Variants in SERPINB9 observed in about 807,000 individuals in gnomAD.
SERPINB9 encodes serpin family B member 9, also known as serpin B9.
In SERPINB9, 20 loss-of-function variants were observed where a neutral mutation model predicts 27.2. The observed-to-expected ratio is 0.74, with a 90% CI of 0.52 to 1.07. The LOEUF is 1.07. Ranked by LOEUF, SERPINB9 falls within the 50% of genes least tolerant of loss-of-function variation. The pLI, the probability that SERPINB9 is intolerant of heterozygous loss-of-function variation, is 0.00. For synonymous variants in SERPINB9, 189 were observed against 180.0 expected, an observed-to-expected ratio of 1.05 and a Z score of -0.40; for missense variants, 476 against 460.1, an observed-to-expected ratio of 1.03 and a Z score of -0.32.
chr6:2,895,790 T>C (rs548329895), intron 3 of SERPINB9, among the ~76,000 whole-genome samples: 3 of 151,882 alleles, frequency 2.0e-5, no homozygotes, highest in Non-Finnish European at 4.4e-5. Context: ...ATTATAGAAT[T>C]GCAGTCTTTA....
chr6:2,895,418 T>C lies in SERPINB9; in HGVS notation c.397A>G (p.Asn133Asp). The change falls in exon 4 of 7, where the codon AAC becomes GAC. Residue 133 changes from asparagine to aspartate, a missense_variant. Coordinates refer to ENST00000380698, the MANE Select transcript of SERPINB9 (RefSeq NM_004155.6). ...TCGGTCTTTTTTGAGACCCAGGTGT[T>C]GATGTGTTTCCTGGACTCTTCTGCA... Reference protein sequence around the residue: ...RAAEESRKHINTWVSKKTEGK... With the variant: ...RAAEESRKHIDTWVSKKTEGK... 6.2e-7 allele frequency: 1 copy of C among 1,612,880 alleles called. No individual in the cohort carries two copies. The highest frequency in any genetic ancestry group is 8.5e-7 in the Non-Finnish European group (1 of 1,179,420).
chr6:2,900,333 G>T, intron 2 of SERPINB9, 111 bp downstream of exon 2: 1 of 1,354,146 alleles, frequency 7.4e-7, no homozygotes, highest in South Asian at 1.3e-5. Context: ...GTGCACACTC[G>T]GGCCCCAGTC....
chr6:2,892,114 A>T, intron 5 of SERPINB9, 126 bp from the exon 6 acceptor site: 2 of 574,200 alleles, frequency 3.5e-6, no homozygotes, highest in Non-Finnish European at 5.5e-6. Context: ...CTAAAAAAAA[A>T]AAAAAAAAAA....
intron 4 of SERPINB9, 126 bp from the exon 5 acceptor site, chr6:2,893,679 T>C (rs1767902156): frequency 2.7e-6 from 2 of 753,916 alleles, no homozygotes; most frequent in African/African-American, 1.8e-5. Flanking sequence ...GGTTGTTATG[T>C]AGAGAAATAA....
Position 2,900,424 on chromosome 6 carries a change from T to C in SERPINB9, c.168+20A>G. ...CGCAGCCCAGGCCAGTCCCTGCTCC[T>C]GGCGGACGGGCAAGCTTACCTGGGC... On this transcript the variant is annotated intron_variant, in intron 2 of 6. Transcript: ENST00000380698. 2 of 1,612,802 alleles carry C rather than the reference T, an allele frequency of 1.2e-6. No homozygotes were observed. The highest frequency in any genetic ancestry group is 8.5e-7 in the Non-Finnish European group (1 of 1,179,404).
In SERPINB9 at chr6:2,887,709, T is replaced by C. The variant is rs774262405; in HGVS notation, c.*2454A>G. On this transcript the variant is annotated 3_prime_UTR_variant, in exon 7 of 7. Coordinates refer to ENST00000380698, the MANE Select transcript of SERPINB9 (RefSeq NM_004155.6). The stretch of plus-strand genomic sequence containing the variant: ...TGAAAAATACAAAATTAGCTGGGTG[T>C]GATGGTGGGTGCTTGTAGTCTCAGC... 5 of 151,708 alleles carry C rather than the reference T, an allele frequency of 3.3e-5. No homozygotes were observed. Among genetic ancestry groups the C allele is most frequent in the Non-Finnish European group, 7.4e-5 (5 of 67,922 alleles). The allele number at this position is 151,708 out of a possible 1,614,324, so 9.4% of individuals were successfully genotyped here. A position where few individuals can be genotyped will look rare whatever the true frequency, so the allele number is the denominator to read the frequency against.
In SERPINB9 at chr6:2,889,833, A is replaced by C; in HGVS notation, c.*330T>G. 1 of 245,836 alleles carries C rather than the reference A, an allele frequency of 4.1e-6. No homozygotes were observed. Among genetic ancestry groups the C allele is most frequent in the Non-Finnish European group, 7.9e-6 (1 of 126,698 alleles). 15.2% of individuals were successfully genotyped at this position (245,836 alleles called of 1,614,324 possible). A position where few individuals can be genotyped will look rare whatever the true frequency, so the allele number is the denominator to read the frequency against. On this transcript the variant is annotated 3_prime_UTR_variant, in exon 7 of 7. Transcript: ENST00000380698. ...TACCACTGAGGCAGCGGGTTAAGGAATGTATTCGCAGTGTCAGGAAAGCAC... is the reference window on the plus strand; with the variant it reads ...TACCACTGAGGCAGCGGGTTAAGGACTGTATTCGCAGTGTCAGGAAAGCAC...
At chr6:2,900,858 ACTGG>A (rs945230383) in intron 1 of SERPINB9, among the ~76,000 whole-genome samples, 1 of 89,998 alleles carries the variant, frequency 1.1e-5, no homozygotes, top group Non-Finnish European at 2.1e-5. Flanking sequence ...TAGCAACAGA[ACTGG>A]CTCGCCTGCA....
Position 2,892,513 on chromosome 6 carries a change from C to T in SERPINB9, c.568-525G>A, listed in dbSNP as rs1767846044. Among the ~76,000 whole-genome samples, 3 of 152,086 alleles carry T rather than the reference C, an allele frequency of 2.0e-5. No individual in the cohort carries two copies. The South Asian group carries it at 6.2e-4, about 32-fold the overall frequency. On this transcript the variant is annotated intron_variant, in intron 5 of 6. Transcript: ENST00000380698. ...GTAATGTATTTTAACCCAATCTTTT[C>T]AATTCTGATACTCTAATGAAATAAC...
At position 2,889,039 on chromosome 6, in the gene SERPINB9, A is replaced by G. The variant is rs1767686212; in HGVS notation, c.*1124T>C. 6.6e-6 allele frequency: 1 copy of G among 152,214 alleles called. No homozygotes were observed. Among genetic ancestry groups the G allele is most frequent in the Non-Finnish European group, 1.5e-5 (1 of 68,040 alleles). The allele number at this position is 152,214 out of a possible 1,614,324, so 9.4% of individuals were successfully genotyped here. A position where few individuals can be genotyped will look rare whatever the true frequency, so the allele number is the denominator to read the frequency against. On this transcript the variant is annotated 3_prime_UTR_variant, in exon 7 of 7. Coordinates refer to ENST00000380698, the MANE Select transcript of SERPINB9 (RefSeq NM_004155.6). ...AGAGATTAATAAAAATAAAAGAACTACCACGAAAGAAGTGCCCTCCAAGTA... is the reference window on the plus strand; with the variant it reads ...AGAGATTAATAAAAATAAAAGAACTGCCACGAAAGAAGTGCCCTCCAAGTA...
At position 2,890,267 on chromosome 6, in the gene SERPINB9, T is replaced by C. The variant is rs61729675; in HGVS notation, c.1027A>G (p.Met343Val). Residue 343 changes from methionine (M) to valine (V), a missense_variant, in exon 7 of 7, where the codon ATG (methionine) becomes GTG (valine). Transcript: ENST00000380698. The surrounding 1 kb of genome is among the most constrained non-coding windows in gnomAD (Gnocchi z 6.2). ...SSCFVVAECC[M>V]ESGPRFCADH... ...GCACAGAACCTGGGGCCAGATTCCA[T>C]GCAGCACTCTGCAACTACAAAGCAG... 3.1e-3 allele frequency: 5,044 copies of C among 1,614,232 alleles called. 132 individuals are homozygous for C. The African/African-American group carries it at 0.06, about 19-fold the overall frequency.
chr6:2,901,294 G>C lies in SERPINB9; in HGVS notation c.-10-673C>G, dbSNP rs1193587012. On this transcript the variant is annotated intron_variant, in intron 1 of 6. Transcript: ENST00000380698. Reference sequence around the variant, plus strand: ...GAGCTCCTGCCCATCACCAGCTTCTGCACATCATGTGACCCTTGAACACAG... The same window carrying C: ...GAGCTCCTGCCCATCACCAGCTTCTCCACATCATGTGACCCTTGAACACAG... Among the ~76,000 whole-genome samples the C allele has an allele frequency of 1.7e-4, 26 of 152,190 alleles. 1 individual carries two copies. The highest frequency in any genetic ancestry group is 1.7e-3 in the Admixed American group (26 of 15,286).
Position 2,893,535 on chromosome 6 carries a change from A to G in SERPINB9, c.443T>C (p.Leu148Ser). 1 of 1,612,372 alleles carries G rather than the reference A, an allele frequency of 6.2e-7. No homozygotes were observed. The highest frequency in any genetic ancestry group is 8.5e-7 in the Non-Finnish European group (1 of 1,179,054). Residue 148 changes from leucine to serine, a missense_variant, in exon 5 of 7, where the codon TTG becomes TCG. Transcript: ENST00000380698. ...TTCTGCATCAATTGAGCTACCCGGC[A>G]ACAACTCTTCAATTTTACCTTTCAA... Reference protein sequence around the residue: ...KKTEGKIEELLPGSSIDAETR... With the variant: ...KKTEGKIEELSPGSSIDAETR...
At chr6:2,895,329 A>G (rs1767956129) in intron 4 of SERPINB9, 62 bp downstream of exon 4, 1 of 1,071,120 alleles carries the variant, frequency 9.3e-7, no homozygotes, top group Non-Finnish European at 1.4e-6. Context: ...GGAAGGAGGA[A>G]TAGGAAGAGC....
At chr6:2,896,341 A>C (rs535680519) in intron 2 of SERPINB9, 151 bp from the exon 3 acceptor site, 3 of 581,482 alleles carry the variant, frequency 5.2e-6, no homozygotes, top group Non-Finnish European at 8.7e-6. Flanking sequence ...CACACAAAAA[A>C]TGACAAGGGT....
chr6:2,889,971 A>C lies in SERPINB9; in HGVS notation c.*192T>G, dbSNP rs934525699. The C allele has an allele frequency of 6.0e-6, 3 of 497,276 alleles. No individual in the cohort carries two copies. The highest frequency in any genetic ancestry group is 5.7e-5 in the African/African-American group (3 of 52,998). 30.8% of individuals were successfully genotyped at this position (497,276 alleles called of 1,614,324 possible). ...GGGAATCATTATGGTCTATTTTCTC[A>C]AGATTCTGATTAAGTAGCATAAGCG... is the stretch of plus-strand genomic sequence containing the variant. On this transcript the variant is annotated 3_prime_UTR_variant, in exon 7 of 7. Transcript: ENST00000380698.
At chr6:2,895,185 C>T (rs1055595694) in intron 4 of SERPINB9, among the ~76,000 whole-genome samples, 5 of 152,098 alleles carry the variant, frequency 3.3e-5, no homozygotes, top group Admixed American at 3.3e-4. Context: ...GCCAGGAGGC[C>T]CTGCCAGTCA....
At position 2,887,389 on chromosome 6, in the gene SERPINB9, A is replaced by G. The variant is rs1328383138; in HGVS notation, c.*2774T>C. ...TAATATCTTTAATAGGCAAAGACATATGTAAAAACGAAGCAGAAAAGTAGG... is the reference window on the plus strand; with the variant it reads ...TAATATCTTTAATAGGCAAAGACATGTGTAAAAACGAAGCAGAAAAGTAGG... On this transcript the variant is annotated 3_prime_UTR_variant, in exon 7 of 7. Transcript: ENST00000380698. 1.3e-5 allele frequency: 2 copies of G among 152,266 alleles called. No homozygotes were observed. Among genetic ancestry groups the G allele is most frequent in the Admixed American group, 1.3e-4 (2 of 15,292 alleles). 9.4% of individuals were successfully genotyped at this position (152,266 alleles called of 1,614,324 possible). A position where few individuals can be genotyped will look rare whatever the true frequency, so the allele number is the denominator to read the frequency against.
rs890942453 is a variant in SERPINB9 at position 2,889,302 on chromosome 6, G to A, written c.*861C>T. ...ACGTTGGGCACAGAACTGAAGACCA[G>A]GTGTCAAAGGAGGATGGCTCTGTCC... On this transcript the variant is annotated 3_prime_UTR_variant, in exon 7 of 7. Coordinates refer to ENST00000380698, the MANE Select transcript of SERPINB9 (RefSeq NM_004155.6). 1.3e-5 allele frequency: 2 copies of A among 152,254 alleles called. No homozygotes were observed. Among genetic ancestry groups the A allele is most frequent in the African/African-American group, 4.8e-5 (2 of 41,464 alleles). 9.4% of individuals were successfully genotyped at this position (152,254 alleles called of 1,614,324 possible). A position where few individuals can be genotyped will look rare whatever the true frequency, so the allele number is the denominator to read the frequency against.
Sources: allele counts gnomAD v4.1 joint callset (sites outside exome capture counted in the v4.1 genomes callset), GRCh38; gene constraint gnomAD v4.1.1; non-coding constraint Gnocchi (gnomAD v3.1); transcripts MANE v1.5; gene names NCBI Gene and HGNC (gene_info 2026-07-23, HGNC 2026-07-21).